ILKAP: variants seen among roughly 807,000 people sequenced by gnomAD.
The protein encoded by ILKAP is ILK associated serine/threonine phosphatase.
A neutral mutation model predicts 49.1 loss-of-function variants in ILKAP; 11 were observed. That is an observed-to-expected ratio of 0.22 (90% CI 0.14 to 0.37). ILKAP has a LOEUF of 0.37. ILKAP is among the 10% of genes least tolerant of loss of function. ILKAP has a pLI of 1.00. For synonymous variants in ILKAP, 186 were observed against 192.8 expected (o/e 0.96, Z 0.29); for missense variants, 363 against 510.8 (o/e 0.71, Z 2.79).
intron 1 of ILKAP, among the ~76,000 whole-genome samples, chr2:238,195,232 G>A (rs562356919): frequency 6.6e-6 from 1 of 152,208 alleles, no homozygotes; most frequent in Admixed American, 6.5e-5. Flanking sequence ...ACTGATTCTA[G>A]ACCAGGAAAA....
chr2:238,202,250 C>T (rs565951903), intron 1 of ILKAP, among the ~76,000 whole-genome samples: 2 of 152,096 alleles, frequency 1.3e-5, no homozygotes, highest in Non-Finnish European at 2.9e-5. Context: ...TGTTTTCTCG[C>T]CCAGAATTAC....
chr2:238,175,094 G>A (rs567990760), intron 9 of ILKAP, among the ~76,000 whole-genome samples: 21 of 152,032 alleles, frequency 1.4e-4, no homozygotes, highest in Admixed American at 1.3e-3. Flanking sequence ...AATATGAGCA[G>A]CACAGGAACT....
At chr2:238,188,035 A>T in intron 5 of ILKAP, 96 bp downstream of exon 5, 1 of 1,368,404 alleles carries the variant, frequency 7.3e-7, no homozygotes, top group Non-Finnish European at 1.0e-6. Context: ...GTGATGTGTT[A>T]GATTTTCTAG....
intron 10 of ILKAP, 105 bp downstream of exon 10, chr2:238,173,429 A>T: frequency 1.4e-6 from 2 of 1,452,690 alleles, no homozygotes; most frequent in Non-Finnish European, 9.4e-7. Flanking sequence ...AGGGCCTAGC[A>T]CCATGCACAC....
chr2:238,170,403 A>G lies in ILKAP; in HGVS notation c.*133T>C. 1.0e-6 allele frequency: 1 copy of G among 981,466 alleles called. No homozygotes were observed. Among genetic ancestry groups the G allele is most frequent in the South Asian group, 1.8e-5 (1 of 56,642 alleles). 60.8% of individuals were successfully genotyped at this position (981,466 alleles called of 1,614,324 possible). ...TCACAGTATAATAACTCAAAAGACT[A>G]GGAAAAAAAAAGAGAAACCTTTATT... On this transcript the variant is annotated 3_prime_UTR_variant, in exon 12 of 12. Transcript: ENST00000254654.
At chr2:238,190,877 TAAAAAAAAAAAAA>T (rs57511265) in intron 3 of ILKAP, among the ~76,000 whole-genome samples, 1 of 95,130 alleles carries the variant, frequency 1.1e-5, no homozygotes, top group South Asian at 3.9e-4. Flanking sequence ...CGTTTCTCTT[TAAAAAAAAAAAAA>T]AAAAAAAAAA....
chr2:238,178,381 G>T (rs988547502), intron 9 of ILKAP, among the ~76,000 whole-genome samples: 2 of 152,118 alleles, frequency 1.3e-5, no homozygotes, highest in African/African-American at 2.4e-5. Context: ...TAGAGATAAG[G>T]TCTCACTGCG....
Position 238,183,674 on chromosome 2 carries a change from A to G in ILKAP, c.693T>C (p.Ile231=), listed in dbSNP as rs1286046406. The G allele has an allele frequency of 5.6e-6, 9 of 1,612,796 alleles. No homozygotes were observed. The highest frequency in any genetic ancestry group is 7.6e-6 in the Non-Finnish European group (9 of 1,179,698). Residue 231 remains isoleucine (I), a synonymous_variant, in exon 8 of 12, where the codon ATT becomes ATC. Coordinates refer to ENST00000254654, the MANE Select transcript of ILKAP (RefSeq NM_030768.3). ...CVLAVDNILY[I]ANLGDSRAIL... Reference sequence around the variant, plus strand: ...ATACCCGACTATCTCCGAGGTTGGCAATATAAAGAATGTTGTCTACAGCCA... The same window carrying G: ...ATACCCGACTATCTCCGAGGTTGGCGATATAAAGAATGTTGTCTACAGCCA...
At chr2:238,189,487 A>T (rs1181679884) in intron 4 of ILKAP, among the ~76,000 whole-genome samples, 3 of 152,230 alleles carry the variant, frequency 2.0e-5, no homozygotes, top group African/African-American at 7.2e-5. Context: ...ACTAAGCTAA[A>T]TCACGTAATT....
intron 9 of ILKAP, among the ~76,000 whole-genome samples, chr2:238,174,414 G>C (rs1297001206): frequency 6.6e-6 from 1 of 152,190 alleles, no homozygotes; most frequent in Admixed American, 6.5e-5. Context: ...TCCCCTTCAG[G>C]CCCTTGTTTG....
chr2:238,194,705 G>A, intron 2 of ILKAP, 100 bp downstream of exon 2: 1 of 1,205,450 alleles, frequency 8.3e-7, no homozygotes, highest in Non-Finnish European at 1.2e-6. Context: ...TAAAACATCT[G>A]TGTGTTGAAA....
rs780238722 is a variant in ILKAP, at chr2:238,173,521, T to TA, written c.956+12dup. ...CATGCACACACACCTGTGCCTCTTA[T>TA]AGGGCCTTTTACCTGTCATTGGGGG... On this transcript the variant is annotated intron_variant, in intron 10 of 11. Transcript: ENST00000254654. The TA allele has an allele frequency of 1.5e-5, 22 of 1,507,466 alleles. No homozygotes were observed. The highest frequency in any genetic ancestry group is 4.1e-5 in the Admixed American group (2 of 48,296). The allele number at this position is 1,507,466 out of a possible 1,614,324, so 93.4% of individuals were successfully genotyped here. A position where few individuals can be genotyped will look rare whatever the true frequency, so the allele number is the denominator to read the frequency against.
chr2:238,195,801 G>T (rs1030506279), intron 1 of ILKAP, among the ~76,000 whole-genome samples: 11 of 152,008 alleles, frequency 7.2e-5, no homozygotes, highest in African/African-American at 2.7e-4. Flanking sequence ...CCAGCACTTC[G>T]GTAGGCTGAG....
chr2:238,199,973 TCAA>T (rs1694502875), intron 1 of ILKAP, among the ~76,000 whole-genome samples: 1 of 152,146 alleles, frequency 6.6e-6, no homozygotes, highest in South Asian at 2.1e-4. Flanking sequence ...TATTTCCTCC[TCAA>T]CAACTGACCA....
chr2:238,199,801 CAG>C (rs763874645), intron 1 of ILKAP, among the ~76,000 whole-genome samples: 14 of 150,920 alleles, frequency 9.3e-5, no homozygotes, highest in Non-Finnish European at 1.9e-4. Flanking sequence ...ATCGTAGAGA[CAG>C]GGGTCTCACG....
intron 1 of ILKAP, among the ~76,000 whole-genome samples, chr2:238,199,772 T>G (rs1694493668): frequency 6.6e-6 from 1 of 152,112 alleles, no homozygotes; most frequent in Non-Finnish European, 1.5e-5. Context: ...TGTTCAAATA[T>G]TCTTCTTTTT....
intron 5 of ILKAP, chr2:238,185,605 C>G (rs1693872791): frequency 4.2e-6 from 1 of 236,198 alleles, no homozygotes; most frequent in Admixed American, 5.2e-5. Context: ...AGATCAAGAC[C>G]ATCCTGGCTA....
intron 9 of ILKAP, among the ~76,000 whole-genome samples, chr2:238,180,554 T>G (rs1693647666): frequency 6.6e-6 from 1 of 152,206 alleles, no homozygotes; most frequent in African/African-American, 2.4e-5. Flanking sequence ...TCTGAAAAAT[T>G]TAATGATAAA....
chr2:238,192,171 C>A (rs574984442), intron 3 of ILKAP, among the ~76,000 whole-genome samples: 25 of 147,156 alleles, frequency 1.7e-4, no homozygotes, highest in Admixed American at 1.2e-3. Context: ...CGCAACACTG[C>A]ACTCCAGCCT....
Sources: allele counts gnomAD v4.1 joint callset (sites outside exome capture counted in the v4.1 genomes callset), GRCh38; gene constraint gnomAD v4.1.1; transcripts MANE v1.5; gene names NCBI Gene and HGNC (gene_info 2026-07-23, HGNC 2026-07-21).